RIMOC1: variants seen among roughly 807,000 people sequenced by gnomAD.
The protein encoded by RIMOC1 is RAB7A interacting MON1-CCZ1 complex subunit 1, also known as RAB7A-interacting MON1-CCZ1 complex subunit 1.
chr5:41,914,651 T>C, the RIMOC1 span, among the ~76,000 whole-genome samples: 1 of 150,996 alleles, frequency 6.6e-6, no homozygotes, highest in Non-Finnish European at 1.5e-5. Context: ...ATGACTGTAG[T>C]TCCAGCTACA....
the RIMOC1 span, chr5:41,918,841 TC>T: frequency 1.1e-6 from 1 of 883,292 alleles, no homozygotes; most frequent in Non-Finnish European, 1.4e-6. Flanking sequence ...TTACTCATTT[TC>T]CCATTTTAGA....
the RIMOC1 span, chr5:41,904,534 G>A: frequency 1.4e-6 from 2 of 1,447,010 alleles, no homozygotes; most frequent in Non-Finnish European, 1.9e-6. Flanking sequence ...CTCGATGGCT[G>A]TGAGGGCTAG....
At chr5:41,907,452 A>C in the RIMOC1 span, among the ~76,000 whole-genome samples, 306 of 152,310 alleles carry the variant, frequency 2.0e-3, 8 homozygotes, top group South Asian at 0.061. Flanking sequence ...TAAAAGAAGC[A>C]TAATGAGAAT....
the RIMOC1 span, chr5:41,911,353 A>T: frequency 2.2e-5 from 10 of 460,524 alleles, no homozygotes; most frequent in Middle Eastern, 5.8e-4. Context: ...AGACTAAATC[A>T]GATAACATGT....
chr5:41,917,075 G>C, the RIMOC1 span: 1 of 1,613,582 alleles, frequency 6.2e-7, no homozygotes, highest in Non-Finnish European at 8.5e-7. Flanking sequence ...GTGTTACTGG[G>C]GATCGAAGTA....
At chr5:41,905,945 A>G in the RIMOC1 span, among the ~76,000 whole-genome samples, 5 of 152,328 alleles carry the variant, frequency 3.3e-5, no homozygotes, top group South Asian at 1.0e-3. Context: ...CATGGAAATC[A>G]GTTCAATCTT....
At chr5:41,916,294 T>C in the RIMOC1 span, 2 of 592,334 alleles carry the variant, frequency 3.4e-6, no homozygotes, top group East Asian at 2.9e-4. Context: ...ACCCAGATCT[T>C]TTTTATTCTA....
At chr5:41,916,666 C>G in the RIMOC1 span, among the ~76,000 whole-genome samples, 1 of 152,052 alleles carries the variant, frequency 6.6e-6, no homozygotes, top group Admixed American at 6.6e-5. Flanking sequence ...AAATTGACTG[C>G]AGAATTTGGG....
At chr5:41,907,880 G>T in the RIMOC1 span, 1 of 1,292,076 alleles carries the variant, frequency 7.7e-7, no homozygotes, top group South Asian at 1.3e-5. Context: ...TTTTATGAGG[G>T]CAGGTTGTTT....
the RIMOC1 span, chr5:41,912,260 C>G: frequency 1.2e-6 from 1 of 822,108 alleles, no homozygotes; most frequent in East Asian, 2.5e-5. Flanking sequence ...AGATTTCACT[C>G]TGATTTAAAT....
the RIMOC1 span, chr5:41,918,826 C>A: frequency 1.1e-6 from 1 of 904,880 alleles, no homozygotes; most frequent in Non-Finnish European, 1.3e-6. Context: ...TTGTATTTAC[C>A]AACTTTACTC....
the RIMOC1 span, chr5:41,904,397 A>G: frequency 6.2e-7 from 1 of 1,614,004 alleles, no homozygotes. Flanking sequence ...GTGTGGTGAG[A>G]CGAGTGGAAG....
At chr5:41,915,468 A>G in the RIMOC1 span, among the ~76,000 whole-genome samples, 84 of 152,324 alleles carry the variant, frequency 5.5e-4, no homozygotes, top group Non-Finnish European at 1.1e-3. Flanking sequence ...TATTTATCAT[A>G]TAGCCATTTG....
chr5:41,918,721 C>A, the RIMOC1 span: 832 of 985,446 alleles, frequency 8.4e-4, 3 homozygotes, highest in African/African-American at 0.013. Flanking sequence ...GTGGCTGAGC[C>A]AAACTTCATT....
the RIMOC1 span, among the ~76,000 whole-genome samples, chr5:41,915,246 A>C: frequency 6.6e-6 from 1 of 152,238 alleles, no homozygotes; most frequent in Admixed American, 6.5e-5. Context: ...ACCTGGAATC[A>C]CATGGAGGTA....
chr5:41,915,628 G>C, the RIMOC1 span, among the ~76,000 whole-genome samples: 4 of 152,280 alleles, frequency 2.6e-5, no homozygotes, highest in African/African-American at 9.6e-5. Context: ...TGGCAAGAGA[G>C]AAGGAGAGAG....
chr5:41,919,350 G>T, the RIMOC1 span: 1 of 152,132 alleles, frequency 6.6e-6, no homozygotes, highest in African/African-American at 2.4e-5. Flanking sequence ...TTCTAGTCCA[G>T]TGTTGCTCAA....
chr5:41,912,151 A>G, the RIMOC1 span: 7 of 1,609,530 alleles, frequency 4.3e-6, no homozygotes, highest in African/African-American at 1.3e-5. Flanking sequence ...GTTTCTTTCC[A>G]AGATCTAGAC....
At chr5:41,906,225 A>G in the RIMOC1 span, among the ~76,000 whole-genome samples, 2 of 152,212 alleles carry the variant, frequency 1.3e-5, no homozygotes, top group Non-Finnish European at 1.5e-5. Flanking sequence ...TCATCATACA[A>G]GCACAATCTG....
Sources: allele counts gnomAD v4.1 joint callset (sites outside exome capture counted in the v4.1 genomes callset), GRCh38; gene constraint gnomAD v4.1.1; transcripts MANE v1.5; gene names NCBI Gene and HGNC (gene_info 2026-07-23, HGNC 2026-07-21).